Variants in LRRFIP1 observed in about 807,000 individuals in gnomAD.
The protein encoded by LRRFIP1 is leucine-rich repeat flightless-interacting protein 1.
In LRRFIP1, 62 loss-of-function variants were observed where a neutral mutation model predicts 104.4. The ratio of observed to expected loss-of-function variants is 0.59; its 90% CI spans 0.48 to 0.73. The LOEUF is 0.73. LRRFIP1 is among the 30% of genes least tolerant of loss of function. The pLI, the probability that LRRFIP1 is intolerant of heterozygous loss-of-function variation, is 0.00. For synonymous variants in LRRFIP1, 300 were observed against 299.0 expected, an observed-to-expected ratio of 1.00 and a Z score of -0.03; for missense variants, 796 against 824.5, an observed-to-expected ratio of 0.97 and a Z score of 0.42.
At chr2:237,720,617 C>T (rs2094503831) in intron 5 of LRRFIP1, among the ~76,000 whole-genome samples, 155 bp from the exon 6 acceptor site, 1 of 152,210 alleles carries the variant, frequency 6.6e-6, no homozygotes, top group South Asian at 2.1e-4. Context: ...TGTGGAGGAC[C>T]TAGACTGGTG....
At chr2:237,746,797 C>T (rs1403842720) in intron 11 of LRRFIP1, among the ~76,000 whole-genome samples, 1 of 152,216 alleles carries the variant, frequency 6.6e-6, no homozygotes, top group Non-Finnish European at 1.5e-5. Flanking sequence ...GTGGAAAGCG[C>T]CCGTGAACAC....
Position 237,779,791 on chromosome 2 carries a change from G to A in LRRFIP1, c.*259G>A, listed in dbSNP as rs1030237479. On this transcript the variant is annotated 3_prime_UTR_variant, in exon 24 of 24. Coordinates refer to ENST00000308482, the MANE Select transcript of LRRFIP1 (RefSeq NM_001137550.2). ...GCAGGTACTTCATAAGCACACAGGG[G>A]CCTCGAGGGAGCTCTGTGTCTGACC... is the stretch of plus-strand genomic sequence containing the variant. The A allele has an allele frequency of 9.4e-6, 3 of 317,820 alleles. No individual in the cohort carries two copies. Among genetic ancestry groups the A allele is most frequent in the East Asian group, 1.3e-4 (2 of 15,852 alleles). The allele number at this position is 317,820 out of a possible 1,614,324, so 19.7% of individuals were successfully genotyped here. A position where few individuals can be genotyped will look rare whatever the true frequency, so the allele number is the denominator to read the frequency against.
At chr2:237,775,187 G>A (rs1379845981) in intron 23 of LRRFIP1, among the ~76,000 whole-genome samples, 1 of 152,240 alleles carries the variant, frequency 6.6e-6, no homozygotes, top group African/African-American at 2.4e-5. Flanking sequence ...GCCCAGGCCA[G>A]GGCAGTTCTA....
chr2:237,677,967 A>G (rs968274118), intron 1 of LRRFIP1, among the ~76,000 whole-genome samples: 1 of 152,224 alleles, frequency 6.6e-6, no homozygotes, highest in African/African-American at 2.4e-5. Flanking sequence ...TATTAAAAAC[A>G]TATTTATCTT....
chr2:237,708,291 AT>A (rs1210861646), intron 1 of LRRFIP1, among the ~76,000 whole-genome samples: 1 of 152,256 alleles, frequency 6.6e-6, no homozygotes, highest in Non-Finnish European at 1.5e-5. Flanking sequence ...GTTGCAAGGA[AT>A]ACATGGCATC....
intron 1 of LRRFIP1, among the ~76,000 whole-genome samples, chr2:237,652,718 G>C (rs998400411): frequency 6.6e-6 from 1 of 152,216 alleles, no homozygotes; most frequent in Non-Finnish European, 1.5e-5. Flanking sequence ...GGGCACAGTG[G>C]CTCACACCTG....
Position 237,717,580 on chromosome 2 carries a change from CTGCACGGG to C in LRRFIP1, c.202-179_202-172del, listed in dbSNP as rs1388684661. On this transcript the variant is annotated intron_variant, in intron 3 of 23. Transcript: ENST00000308482. This position sits in a 1 kb window ranked among gnomAD's most constrained non-coding sequence, Gnocchi z 4.2. ...TCTTCACAGCTCACAGCCTGCATGACTGCACGGGTGGCGGTCCCTGTGGAGAAGCCAGG... is the reference window on the plus strand; with the variant it reads ...TCTTCACAGCTCACAGCCTGCATGACTGGCGGTCCCTGTGGAGAAGCCAGG... Among the ~76,000 whole-genome samples, 18 of 152,230 alleles carry C rather than the reference CTGCACGGG, an allele frequency of 1.2e-4. No homozygotes were observed. The highest frequency in any genetic ancestry group is 2.4e-4 in the Non-Finnish European group (16 of 68,048).
intron 1 of LRRFIP1, among the ~76,000 whole-genome samples, chr2:237,653,495 A>G (rs1400469688): frequency 6.6e-6 from 1 of 152,206 alleles, no homozygotes; most frequent in Non-Finnish European, 1.5e-5. Context: ...TGCTCACAAA[A>G]ATAGAAAAAA....
At chr2:237,637,471 A>C (rs2149289196) in intron 1 of LRRFIP1, among the ~76,000 whole-genome samples, 1 of 152,362 alleles carries the variant, frequency 6.6e-6, no homozygotes, top group Non-Finnish European at 1.5e-5. Flanking sequence ...CCATCTCAAA[A>C]AGAGAAAAAG....
At chr2:237,727,811 T>C (rs2094822591) in intron 7 of LRRFIP1, 65 bp from the exon 8 acceptor site, 1 of 1,250,204 alleles carries the variant, frequency 8.0e-7, no homozygotes, top group South Asian at 1.3e-5. Flanking sequence ...TGGTCCCTGC[T>C]GATTTGTACC....
intron 19 of LRRFIP1, among the ~76,000 whole-genome samples, chr2:237,767,031 C>T (rs1244817437): frequency 6.6e-6 from 1 of 152,072 alleles, no homozygotes; most frequent in Non-Finnish European, 1.5e-5. Flanking sequence ...AACAATTAGC[C>T]AGGCATGGTG....
At chr2:237,654,969 C>T (rs1268072093) in intron 1 of LRRFIP1, among the ~76,000 whole-genome samples, 1 of 151,852 alleles carries the variant, frequency 6.6e-6, no homozygotes, top group African/African-American at 2.4e-5. Context: ...GGTATCGAGA[C>T]ACAATGGAGT....
rs919450870 is a variant in LRRFIP1, at chr2:237,717,219, C to T, written c.202-543C>T. Among the ~76,000 whole-genome samples, 4 of 152,162 alleles carry T rather than the reference C, an allele frequency of 2.6e-5. No individual in the cohort carries two copies. Among genetic ancestry groups the T allele is most frequent in the Admixed American group, 6.5e-5 (1 of 15,282 alleles). ...GTAGGTGGCAGTCATCTCTCCATCC[C>T]TGCTACAAAGACAGCAAAGTCTATG... On this transcript the variant is annotated intron_variant, in intron 3 of 23. Transcript: ENST00000308482. The surrounding 1 kb of genome is among the most constrained non-coding windows in gnomAD (Gnocchi z 4.2).
At chr2:237,778,414 G>T (rs990592589) in intron 23 of LRRFIP1, among the ~76,000 whole-genome samples, 1 of 152,166 alleles carries the variant, frequency 6.6e-6, no homozygotes, top group Admixed American at 6.5e-5. Flanking sequence ...TCCAGATGAT[G>T]CCCTGCTAAT....
At position 237,748,348 on chromosome 2, in the gene LRRFIP1, C is replaced by T; in HGVS notation, c.634-16C>T. The T allele has an allele frequency of 3.2e-6, 5 of 1,586,350 alleles. No individual in the cohort carries two copies. The highest frequency in any genetic ancestry group is 4.3e-6 in the Non-Finnish European group (5 of 1,158,170). On this transcript the variant is annotated splice_polypyrimidine_tract_variant and intron_variant, in intron 11 of 23. Coordinates refer to ENST00000308482, the MANE Select transcript of LRRFIP1 (RefSeq NM_001137550.2). ...GCTTTTAAAGTATTTAATATTTTGT[C>T]TGTTTTCGTCTACAGGTAGAAGAGA...
At chr2:237,662,076 G>T (rs1453444248) in intron 1 of LRRFIP1, among the ~76,000 whole-genome samples, 2 of 152,178 alleles carry the variant, frequency 1.3e-5, no homozygotes, top group Non-Finnish European at 2.9e-5. Context: ...TGGGCCAGGT[G>T]GGTTCCTTCT....
intron 1 of LRRFIP1, among the ~76,000 whole-genome samples, chr2:237,694,309 G>C (rs1325801971): frequency 6.6e-6 from 1 of 152,244 alleles, no homozygotes; most frequent in Non-Finnish European, 1.5e-5. Flanking sequence ...GGTTTTCAGA[G>C]AGAAGTTGTG....
intron 8 of LRRFIP1, among the ~76,000 whole-genome samples, chr2:237,731,927 T>C (rs1018871726): frequency 6.6e-6 from 1 of 152,216 alleles, no homozygotes; most frequent in Admixed American, 6.5e-5. Flanking sequence ...TCCTGGAAAT[T>C]GTGCTCTGTA....
intron 1 of LRRFIP1, among the ~76,000 whole-genome samples, chr2:237,697,064 C>T (rs1468799275): frequency 1.3e-5 from 2 of 152,118 alleles, no homozygotes. Context: ...CTTGATTGCC[C>T]AGGCTGGAAT....
Sources: allele counts gnomAD v4.1 joint callset (sites outside exome capture counted in the v4.1 genomes callset), GRCh38; gene constraint gnomAD v4.1.1; non-coding constraint Gnocchi (gnomAD v3.1); transcripts MANE v1.5; gene names NCBI Gene and HGNC (gene_info 2026-07-23, HGNC 2026-07-21).